Variants in THSD7B observed in about 807,000 individuals in gnomAD.
The protein encoded by THSD7B is thrombospondin type-1 domain-containing protein 7B.
Under a neutral mutation model 213.6 loss-of-function variants are expected in THSD7B, and 138 were observed. That is an observed-to-expected ratio of 0.65 (90% CI 0.56 to 0.74). The LOEUF (loss-of-function observed/expected upper bound fraction) is 0.74, where lower values mean the gene tolerates loss of function less well. THSD7B is among the 30% of genes least tolerant of loss of function. The pLI, the probability that THSD7B is intolerant of heterozygous loss-of-function variation, is 0.00. For missense variants in THSD7B, 1,931 were observed against 1,991.5 expected, an observed-to-expected ratio of 0.97 and a Z score of 0.58; for synonymous variants, 742 against 687.0, an observed-to-expected ratio of 1.08 and a Z score of -1.25.
At chr2:137,025,314 C>T (rs944902852) in intron 2 of THSD7B, among the ~76,000 whole-genome samples, 74 of 152,228 alleles carry the variant, frequency 4.9e-4, no homozygotes, top group East Asian at 1.9e-4. Context: ...TTTTGCCAGA[C>T]GTTTTTCTCA....
intron 15 of THSD7B, among the ~76,000 whole-genome samples, chr2:137,497,170 T>C (rs1366215336): frequency 6.7e-6 from 1 of 150,150 alleles, no homozygotes; most frequent in Non-Finnish European, 1.5e-5. Context: ...TGAATGAAAT[T>C]CTACATAGAC....
chr2:137,057,150 G>A lies in THSD7B; in HGVS notation c.870G>A (p.Ser290=). 2 of 1,613,916 alleles carry A rather than the reference G, an allele frequency of 1.2e-6. No homozygotes were observed. The highest frequency in any genetic ancestry group is 1.7e-6 in the Non-Finnish European group (2 of 1,179,878). The change falls in exon 3 of 28, where the codon TCG becomes TCA. Residue 290 remains serine, a synonymous_variant. Transcript: ENST00000409968. ...KHQSYKAHHH[S]KSWAIEIGYQ... is the part of the protein sequence containing the mutation. ...AAAGTTACAAAGCACATCATCATTCGAAGTCTTGGGCAATAGAGATAGGTT... is the reference window on the plus strand; with the variant it reads ...AAAGTTACAAAGCACATCATCATTCAAAGTCTTGGGCAATAGAGATAGGTT...
intron 3 of THSD7B, among the ~76,000 whole-genome samples, chr2:137,085,145 G>A (rs1403785360): frequency 6.6e-6 from 1 of 152,158 alleles, no homozygotes; most frequent in Non-Finnish European, 1.5e-5. Context: ...AAAAAGGCAA[G>A]CTAAAAAGTA....
At chr2:137,171,715 T>C (rs970914061) in intron 7 of THSD7B, among the ~76,000 whole-genome samples, 1 of 152,222 alleles carries the variant, frequency 6.6e-6, no homozygotes, top group Non-Finnish European at 1.5e-5. Flanking sequence ...GTTTTGAACT[T>C]ATGCAGCTAA....
At chr2:137,174,457 A>G (rs1055720207) in intron 7 of THSD7B, among the ~76,000 whole-genome samples, 7 of 152,296 alleles carry the variant, frequency 4.6e-5, no homozygotes, top group Middle Eastern at 3.4e-3. Flanking sequence ...TGGAAATAGC[A>G]ATTTCTGATG....
At chr2:137,165,855 A>G (rs1680118711) in intron 6 of THSD7B, among the ~76,000 whole-genome samples, 1 of 152,158 alleles carries the variant, frequency 6.6e-6, no homozygotes, top group African/African-American at 2.4e-5. Flanking sequence ...CAGCAAAAAA[A>G]AATGAATGTG....
At chr2:137,048,313 TCA>T (rs1359680411) in intron 2 of THSD7B, among the ~76,000 whole-genome samples, 4 of 152,190 alleles carry the variant, frequency 2.6e-5, no homozygotes, top group Non-Finnish European at 5.9e-5. Flanking sequence ...GACCAGAGTC[TCA>T]CAGTCTTAAA....
At chr2:137,252,436 G>A (rs548449232) in intron 10 of THSD7B, among the ~76,000 whole-genome samples, 1 of 152,086 alleles carries the variant, frequency 6.6e-6, no homozygotes, top group Non-Finnish European at 1.5e-5. Flanking sequence ...GGAAGTGCTG[G>A]GATTATAGGC....
chr2:136,857,542 T>C (rs1375959296), intron 1 of THSD7B, among the ~76,000 whole-genome samples: 1 of 152,238 alleles, frequency 6.6e-6, no homozygotes, highest in Non-Finnish European at 1.5e-5. Context: ...TTATTCAATG[T>C]CTATAATGTG....
intron 27 of THSD7B, among the ~76,000 whole-genome samples, chr2:137,670,280 G>T (rs1468244910): frequency 6.6e-6 from 1 of 152,084 alleles, no homozygotes; most frequent in African/African-American, 2.4e-5. Context: ...CCTACTCATA[G>T]ATGAGCTCTG....
At chr2:137,509,096 A>G (rs1213025059) in intron 15 of THSD7B, among the ~76,000 whole-genome samples, 1 of 152,126 alleles carries the variant, frequency 6.6e-6, no homozygotes, top group Non-Finnish European at 1.5e-5. Flanking sequence ...CTTTTTCAGA[A>G]TCATATGAAC....
intron 15 of THSD7B, among the ~76,000 whole-genome samples, chr2:137,506,819 G>A (rs943103571): frequency 2.0e-5 from 3 of 152,158 alleles, no homozygotes; most frequent in African/African-American, 4.8e-5. Flanking sequence ...CCCAGCCTCC[G>A]GGCTCAGTAG....
intron 7 of THSD7B, among the ~76,000 whole-genome samples, chr2:137,219,538 A>G (rs1681321272): frequency 1.3e-5 from 2 of 152,170 alleles, no homozygotes; most frequent in Non-Finnish European, 2.9e-5. Context: ...TACTTTATTC[A>G]AAGTCAAGCT....
chr2:137,464,189 A>G (rs186769617), intron 15 of THSD7B, among the ~76,000 whole-genome samples: 1 of 152,030 alleles, frequency 6.6e-6, no homozygotes, highest in Admixed American at 6.6e-5. Flanking sequence ...TTACAATATG[A>G]TTTCCTCATT....
At chr2:137,635,544 T>C (rs1201768297) in intron 20 of THSD7B, among the ~76,000 whole-genome samples, 2 of 152,170 alleles carry the variant, frequency 1.3e-5, no homozygotes, top group African/African-American at 4.8e-5. Context: ...ATTTCATTCA[T>C]TTAATATAAT....
At chr2:136,897,537 G>A (rs1464091530) in intron 2 of THSD7B, among the ~76,000 whole-genome samples, 1 of 152,150 alleles carries the variant, frequency 6.6e-6, no homozygotes, top group Non-Finnish European at 1.5e-5. Context: ...AGGTAGTGTG[G>A]ACCCAAAGAG....
intron 15 of THSD7B, among the ~76,000 whole-genome samples, chr2:137,519,542 C>G (rs1375483841): frequency 6.6e-6 from 1 of 152,140 alleles, no homozygotes; most frequent in Non-Finnish European, 1.5e-5. Flanking sequence ...CAGAATGTCT[C>G]ACTTCTTACT....
chr2:136,976,812 G>A (rs1272961540), intron 2 of THSD7B, among the ~76,000 whole-genome samples: 1 of 151,856 alleles, frequency 6.6e-6, no homozygotes, highest in African/African-American at 2.4e-5. Flanking sequence ...TAGTAGAGAC[G>A]GGGTTTCACT....
intron 17 of THSD7B, among the ~76,000 whole-genome samples, chr2:137,597,103 G>T (rs947610458): frequency 3.3e-5 from 5 of 152,020 alleles, no homozygotes; most frequent in Admixed American, 6.6e-5. Context: ...TTGAAATTTT[G>T]TCAGAATGGA....
Sources: gnomAD v4.1 joint callset for allele counts (sites outside exome capture counted in the v4.1 genomes callset) on GRCh38, gnomAD v4.1.1 for gene constraint, MANE v1.5 for transcripts, NCBI Gene and HGNC (gene_info 2026-07-23, HGNC 2026-07-21) for gene names.